GMDS: variants seen among roughly 807,000 people sequenced by gnomAD.
GMDS encodes GDP-mannose 4,6 dehydratase.
In GMDS, 20 loss-of-function variants were observed where a neutral mutation model predicts 49.9. The observed-to-expected ratio is 0.40, with a 90% confidence interval of 0.28 to 0.58. The LOEUF (loss-of-function observed/expected upper bound fraction) is 0.58. GMDS is among the 20% of genes least tolerant of loss of function. The pLI is 0.42. For synonymous variants in GMDS, 177 were observed against 178.6 expected, an observed-to-expected ratio of 0.99 and a Z score of 0.07; for missense variants, 362 against 481.4, an observed-to-expected ratio of 0.75 and a Z score of 2.32.
At chr6:1,928,918 G>C (rs761585561) in intron 7 of GMDS, among the ~76,000 whole-genome samples, 1 of 152,036 alleles carries the variant, frequency 6.6e-6, no homozygotes, top group Non-Finnish European at 1.5e-5. Flanking sequence ...GTAGTGAGGC[G>C]AAATCATGCC....
chr6:2,170,666 G>A (rs1487621485), intron 1 of GMDS, among the ~76,000 whole-genome samples: 2 of 151,060 alleles, frequency 1.3e-5, no homozygotes, highest in Admixed American at 6.6e-5. Flanking sequence ...TTACATTACA[G>A]ACTAACCCAT....
At chr6:2,224,989 C>T (rs1337478244) in intron 1 of GMDS, among the ~76,000 whole-genome samples, 3 of 151,724 alleles carry the variant, frequency 2.0e-5, no homozygotes, top group Non-Finnish European at 4.4e-5. Context: ...TTTGAACGCA[C>T]GTACGTCCAC....
At chr6:1,658,994 A>AC (rs111253381) in intron 9 of GMDS, among the ~76,000 whole-genome samples, 3 of 152,166 alleles carry the variant, frequency 2.0e-5, no homozygotes, top group Non-Finnish European at 4.4e-5. Context: ...AGGAAAAAAA[A>AC]CCCAAAACAA....
At chr6:2,194,349 G>A (rs1431606300) in intron 1 of GMDS, among the ~76,000 whole-genome samples, 1 of 152,184 alleles carries the variant, frequency 6.6e-6, no homozygotes, top group Non-Finnish European at 1.5e-5. Flanking sequence ...ATTAAGACTT[G>A]TAAAGAAGAG....
chr6:1,689,638 CCTT>C (rs1283582445), intron 9 of GMDS, among the ~76,000 whole-genome samples: 8 of 152,188 alleles, frequency 5.3e-5, no homozygotes, highest in Admixed American at 4.6e-4. Context: ...ACACAAATCT[CCTT>C]CTTATTGCTT....
chr6:1,625,817 A>C (rs1424133815), intron 9 of GMDS, among the ~76,000 whole-genome samples: 1 of 152,276 alleles, frequency 6.6e-6, no homozygotes, highest in East Asian at 1.9e-4. Flanking sequence ...TGTACTCGTC[A>C]AATAACACAT....
At chr6:1,755,168 G>A (rs1767894491) in intron 7 of GMDS, among the ~76,000 whole-genome samples, 1 of 152,192 alleles carries the variant, frequency 6.6e-6, no homozygotes, top group Admixed American at 6.5e-5. Context: ...AAGCTCATAA[G>A]CAACTTCAGC....
intron 7 of GMDS, among the ~76,000 whole-genome samples, chr6:1,929,190 A>C (rs938885746): frequency 7.2e-5 from 11 of 152,198 alleles, no homozygotes; most frequent in African/African-American, 2.2e-4. Flanking sequence ...GTAGGCATTA[A>C]AGTTTCTTTT....
intron 7 of GMDS, among the ~76,000 whole-genome samples, chr6:1,771,298 A>G (rs1317847003): frequency 6.6e-6 from 1 of 152,056 alleles, no homozygotes; most frequent in African/African-American, 2.4e-5. Context: ...ACTCTCTTCA[A>G]CCTAACTTAG....
chr6:2,002,261 C>T (rs1766865979), intron 4 of GMDS, among the ~76,000 whole-genome samples: 1 of 152,178 alleles, frequency 6.6e-6, no homozygotes, highest in Admixed American at 6.6e-5. Context: ...TGGCGAAAGA[C>T]AGTGTCTCTG....
intron 9 of GMDS, among the ~76,000 whole-genome samples, chr6:1,664,080 CAAT>C (rs1333698935): frequency 6.6e-6 from 1 of 152,148 alleles, no homozygotes; most frequent in African/African-American, 2.4e-5. Context: ...TAGTTCTTTA[CAAT>C]AATTAGGCTA....
chr6:1,760,846 T>C (rs1768129430), intron 7 of GMDS, among the ~76,000 whole-genome samples: 1 of 152,220 alleles, frequency 6.6e-6, no homozygotes, highest in Non-Finnish European at 1.5e-5. Flanking sequence ...GTATCTGAGC[T>C]TTGTTCTTTC....
At chr6:2,099,907 C>T (rs1332034261) in intron 4 of GMDS, among the ~76,000 whole-genome samples, 1 of 151,984 alleles carries the variant, frequency 6.6e-6, no homozygotes, top group Non-Finnish European at 1.5e-5. Flanking sequence ...TTTCATTAGA[C>T]AGGACATGTA....
chr6:2,070,108 G>T (rs1330375418), intron 4 of GMDS, among the ~76,000 whole-genome samples: 1 of 151,550 alleles, frequency 6.6e-6, no homozygotes, highest in Non-Finnish European at 1.5e-5. Flanking sequence ...ATGAGTTCAT[G>T]TCCTTTGTAG....
At chr6:2,085,519 C>T (rs983304805) in intron 4 of GMDS, among the ~76,000 whole-genome samples, 9 of 152,090 alleles carry the variant, frequency 5.9e-5, no homozygotes, top group African/African-American at 1.4e-4. Flanking sequence ...TCAGTCTCCT[C>T]GGAAGAGAAA....
intron 9 of GMDS, among the ~76,000 whole-genome samples, chr6:1,644,741 C>A (rs1011724981): frequency 6.6e-6 from 1 of 152,118 alleles, no homozygotes; most frequent in Non-Finnish European, 1.5e-5. Flanking sequence ...TTCACGGCCA[C>A]CCCCACTGCC....
At chr6:1,950,501 T>G (rs1465439194) in intron 6 of GMDS, among the ~76,000 whole-genome samples, 1 of 152,234 alleles carries the variant, frequency 6.6e-6, no homozygotes, top group Non-Finnish European at 1.5e-5. Flanking sequence ...CTCCAATGAT[T>G]AGAAGAGTCC....
chr6:1,803,594 AAATAT>A (rs1472297507), intron 7 of GMDS, among the ~76,000 whole-genome samples: 3 of 152,076 alleles, frequency 2.0e-5, no homozygotes, highest in Non-Finnish European at 2.9e-5. Context: ...ATAAATAAAT[AAATAT>A]AATAGTTACT....
chr6:1,870,822 A>G (rs961519050), intron 7 of GMDS, among the ~76,000 whole-genome samples: 1 of 152,196 alleles, frequency 6.6e-6, no homozygotes, highest in South Asian at 2.1e-4. Context: ...CAGAAGGCAG[A>G]AATGATACTT....
Sources: gnomAD v4.1 joint callset for allele counts (sites outside exome capture counted in the v4.1 genomes callset) on GRCh38, gnomAD v4.1.1 for gene constraint, MANE v1.5 for transcripts, NCBI Gene and HGNC (gene_info 2026-07-23, HGNC 2026-07-21) for gene names.